TACR1: variants seen among roughly 807,000 people sequenced by gnomAD.
TACR1 encodes the protein tachykinin receptor 1, also known as substance-P receptor.
TACR1 carries 25 observed loss-of-function variants against 35.8 expected under a neutral mutation model. The observed-to-expected ratio is 0.70, with a 90% CI of 0.51 to 0.98. TACR1 has a LOEUF of 0.98. Ranked by LOEUF, TACR1 falls within the 50% of genes least tolerant of loss-of-function variation. The probability of loss-of-function intolerance (pLI) is 0.00; values close to 1 mark genes in which losing one functional copy is unlikely to be tolerated. For missense variants in TACR1, 478 were observed against 522.9 expected (o/e 0.91, Z 0.84); for synonymous variants, 195 against 206.7 (o/e 0.94, Z 0.48).
chr2:75,182,544 C>T (rs1445428265), intron 1 of TACR1, among the ~76,000 whole-genome samples: 1 of 152,182 alleles, frequency 6.6e-6, no homozygotes, highest in African/African-American at 2.4e-5. Context: ...TATGATGGTG[C>T]TTCCATGAGT....
chr2:75,153,724 C>G (rs1254890743), intron 1 of TACR1, among the ~76,000 whole-genome samples: 3 of 152,158 alleles, frequency 2.0e-5, no homozygotes, highest in Non-Finnish European at 2.9e-5. Flanking sequence ...GCTGCTAACC[C>G]TTTTAAGTTG....
chr2:75,116,910 C>CAAA (rs879800639), intron 2 of TACR1, among the ~76,000 whole-genome samples: 8 of 138,140 alleles, frequency 5.8e-5, no homozygotes, highest in Admixed American at 2.2e-4. Context: ...AACTCCGTCT[C>CAAA]AAAAAAAAAA....
intron 1 of TACR1, among the ~76,000 whole-genome samples, chr2:75,133,442 C>G (rs1008006260): frequency 6.6e-6 from 1 of 152,130 alleles, no homozygotes; most frequent in African/African-American, 2.4e-5. Flanking sequence ...AGTTAACATA[C>G]CAAGCACACT....
chr2:75,146,617 G>A (rs1674522088), intron 1 of TACR1, among the ~76,000 whole-genome samples: 2 of 152,152 alleles, frequency 1.3e-5, no homozygotes, highest in African/African-American at 4.8e-5. Flanking sequence ...GTGGAGATGA[G>A]GATTATTGCG....
rs3771854 is a variant in TACR1, at chr2:75,186,567, A to G, written c.389+11979T>C. On this transcript the variant is annotated intron_variant, in intron 1 of 4. Transcript: ENST00000305249. ...ATTTATTTATAATTTAACTATATTA[A>G]ACTAAATTTAAACTAAAATGTGATC... 1.1e-3 allele frequency among the ~76,000 whole-genome samples: 169 copies of G among 151,908 alleles called. 3 individuals carry two copies. The East Asian group carries it at 0.031, about 27-fold the overall frequency.
In TACR1 at chr2:75,055,950, C is replaced by T. The variant is rs116537537; in HGVS notation, c.585-2195G>A. Among the ~76,000 whole-genome samples, 522 of 152,306 alleles carry T rather than the reference C, an allele frequency of 3.4e-3. 2 individuals are homozygous for T. Among genetic ancestry groups the T allele is most frequent in the African/African-American group, 0.012 (485 of 41,554 alleles). On this transcript the variant is annotated intron_variant, in intron 2 of 4. Coordinates refer to ENST00000305249, the MANE Select transcript of TACR1 (RefSeq NM_001058.4). ...TTGTCTTAGGCCAACGGTTCTCAAC[C>T]GCAAATGTAAAAGAGAATCACCAGG...
rs1000462371 is a variant in TACR1 at position 75,077,589 on chromosome 2, G to A, written c.585-23834C>T. On this transcript the variant is annotated intron_variant, in intron 2 of 4. Coordinates refer to ENST00000305249, the MANE Select transcript of TACR1 (RefSeq NM_001058.4). ...CTTAGCAGGCTATCCTGAGGCAGAAGCCTGCAGGTAACAGGTCAGTGTCTG... is the reference window on the plus strand; with the variant it reads ...CTTAGCAGGCTATCCTGAGGCAGAAACCTGCAGGTAACAGGTCAGTGTCTG... 2.6e-5 allele frequency among the ~76,000 whole-genome samples: 4 copies of A among 152,218 alleles called. No homozygotes were observed. The East Asian group carries it at 5.8e-4, about 22-fold the overall frequency.
At chr2:75,059,097 G>T (rs1221042493) in intron 2 of TACR1, among the ~76,000 whole-genome samples, 4 of 152,122 alleles carry the variant, frequency 2.6e-5, no homozygotes, top group Non-Finnish European at 5.9e-5. Flanking sequence ...TATTGTTTCG[G>T]GGTGGGTGGG....
At chr2:75,067,576 T>C (rs973356727) in intron 2 of TACR1, among the ~76,000 whole-genome samples, 1 of 152,182 alleles carries the variant, frequency 6.6e-6, no homozygotes, top group African/African-American at 2.4e-5. Flanking sequence ...AAATCATAAA[T>C]GTTGCTAAGT....
At chr2:75,162,266 T>C (rs1675028423) in intron 1 of TACR1, among the ~76,000 whole-genome samples, 1 of 152,160 alleles carries the variant, frequency 6.6e-6, no homozygotes, top group African/African-American at 2.4e-5. Flanking sequence ...TAATCAGATT[T>C]ATGAAGGTCA....
chr2:75,125,052 A>C (rs868192296), intron 1 of TACR1, among the ~76,000 whole-genome samples: 3 of 152,206 alleles, frequency 2.0e-5, no homozygotes, highest in Middle Eastern at 6.8e-3. Context: ...TTATTTTCAC[A>C]ACTTGGCCCA....
At position 75,198,825 on chromosome 2, in the gene TACR1, G is replaced by T; in HGVS notation, c.110C>A (p.Ala37Asp). 1 of 1,614,102 alleles carries T rather than the reference G, an allele frequency of 6.2e-7. No homozygotes were observed. Among genetic ancestry groups the T allele is most frequent in the Non-Finnish European group, 8.5e-7 (1 of 1,179,996 alleles). Residue 37 changes from alanine (A) to aspartate (D), a missense_variant, in exon 1 of 5, where the codon GCT (alanine) becomes GAT (aspartate). Physicochemically the swap from Ala to Asp is moderately radical, Grantham distance 126. Coordinates refer to ENST00000305249, the MANE Select transcript of TACR1 (RefSeq NM_001058.4). ...GGTCACCACAATGACCGTGTAGGCAGCTGCCCAAAGGACAATTTGCCAGGC... is the reference window on the plus strand; with the variant it reads ...GGTCACCACAATGACCGTGTAGGCATCTGCCCAAAGGACAATTTGCCAGGC... ...QPAWQIVLWA[A>D]AYTVIVVTSV...
At chr2:75,088,365 T>C (rs770470784) in intron 2 of TACR1, among the ~76,000 whole-genome samples, 33 of 152,172 alleles carry the variant, frequency 2.2e-4, no homozygotes, top group Admixed American at 2.0e-3. Context: ...TCCTGAAATC[T>C]CCAGCCTTTT....
intron 1 of TACR1, among the ~76,000 whole-genome samples, chr2:75,174,306 A>C (rs767577090): frequency 1.3e-5 from 2 of 152,228 alleles, no homozygotes; most frequent in Non-Finnish European, 2.9e-5. Context: ...GTTACGTTCC[A>C]AGACCCCCAG....
At chr2:75,064,315 G>A (rs981086357) in intron 2 of TACR1, among the ~76,000 whole-genome samples, 1 of 152,176 alleles carries the variant, frequency 6.6e-6, no homozygotes, top group Admixed American at 6.5e-5. Flanking sequence ...CAACTGGGTA[G>A]ATACGTTAAG....
intron 2 of TACR1, among the ~76,000 whole-genome samples, chr2:75,092,028 A>G (rs1010569494): frequency 5.3e-5 from 8 of 152,258 alleles, no homozygotes; most frequent in East Asian, 1.9e-4. Context: ...TGGGCATAAC[A>G]TCAGTGTGAG....
chr2:75,083,207 G>C (rs969225430), intron 2 of TACR1, among the ~76,000 whole-genome samples: 9 of 152,160 alleles, frequency 5.9e-5, no homozygotes, highest in Admixed American at 2.0e-4. Context: ...TCTTGTTTTT[G>C]TCAGGTTTGT....
At chr2:75,102,537 C>T (rs942537254) in intron 2 of TACR1, among the ~76,000 whole-genome samples, 1 of 151,820 alleles carries the variant, frequency 6.6e-6, no homozygotes, top group Non-Finnish European at 1.5e-5. Context: ...CTATTTAAAT[C>T]CTGTTTGGAT....
chr2:75,114,020 TC>T (rs1447120726), intron 2 of TACR1, among the ~76,000 whole-genome samples: 1 of 152,220 alleles, frequency 6.6e-6, no homozygotes, highest in African/African-American at 2.4e-5. Flanking sequence ...TGATAATGAA[TC>T]ATAATATACA....
Sources: allele counts gnomAD v4.1 joint callset (sites outside exome capture counted in the v4.1 genomes callset), GRCh38; gene constraint gnomAD v4.1.1; transcripts MANE v1.5; gene names NCBI Gene and HGNC (gene_info 2026-07-23, HGNC 2026-07-21).